Variants in SMURF1 observed in about 807,000 individuals in gnomAD.
SMURF1 encodes E3 ubiquitin-protein ligase SMURF1.
Under a neutral mutation model 98.0 loss-of-function variants are expected in SMURF1, and 44 were observed. That is an observed-to-expected ratio of 0.45 (90% CI 0.35 to 0.58). SMURF1 has a LOEUF of 0.58. SMURF1 is among the 20% of genes least tolerant of loss of function. SMURF1 has a pLI of 0.00. For missense variants in SMURF1, 687 were observed against 938.4 expected, an observed-to-expected ratio of 0.73 and a Z score of 3.50; for synonymous variants, 396 against 374.9, an observed-to-expected ratio of 1.06 and a Z score of -0.65.
At chr7:99,080,359 G>T (rs1796553875) in intron 1 of SMURF1, among the ~76,000 whole-genome samples, 1 of 152,206 alleles carries the variant, frequency 6.6e-6, no homozygotes, top group South Asian at 2.1e-4. Context: ...GAGTGCAGCG[G>T]CGCGATCCCG....
chr7:99,086,749 T>C (rs2150573978), intron 1 of SMURF1, among the ~76,000 whole-genome samples: 1 of 152,330 alleles, frequency 6.6e-6, no homozygotes, highest in Non-Finnish European at 1.5e-5. Context: ...AATGAAGTAT[T>C]AATCCATACT....
chr7:99,047,137 G>A (rs140730457), intron 10 of SMURF1, among the ~76,000 whole-genome samples: 250 of 152,366 alleles, frequency 1.6e-3, no homozygotes, highest in Non-Finnish European at 2.7e-3. Flanking sequence ...AGGAAGCTGT[G>A]TAAGGGACAG....
At chr7:99,135,711 A>G (rs1797976553) in intron 1 of SMURF1, among the ~76,000 whole-genome samples, 1 of 152,248 alleles carries the variant, frequency 6.6e-6, no homozygotes, top group South Asian at 2.1e-4. Context: ...GATTTTACAC[A>G]CCGGACTTTA....
At chr7:99,039,538 G>C (rs187822498) in intron 13 of SMURF1, among the ~76,000 whole-genome samples, 2 of 152,126 alleles carry the variant, frequency 1.3e-5, no homozygotes, top group Non-Finnish European at 2.9e-5. Context: ...TAGTAGGGAC[G>C]GGATTTCACC....
intron 1 of SMURF1, among the ~76,000 whole-genome samples, chr7:99,132,809 G>A (rs1233512838): frequency 6.6e-6 from 1 of 152,022 alleles, no homozygotes; most frequent in Non-Finnish European, 1.5e-5. Context: ...GGCAGAACCT[G>A]GCACAGAGGC....
chr7:99,126,246 T>A (rs1383256946), intron 1 of SMURF1, among the ~76,000 whole-genome samples: 1 of 152,080 alleles, frequency 6.6e-6, no homozygotes. Context: ...TAATATCAAA[T>A]TCTAATGCAA....
chr7:99,140,422 G>A (rs929448504), intron 1 of SMURF1, among the ~76,000 whole-genome samples: 22 of 151,772 alleles, frequency 1.4e-4, no homozygotes, highest in South Asian at 6.3e-4. Flanking sequence ...CAGTAGCTGG[G>A]ACTACAGGCG....
intron 12 of SMURF1, 86 bp downstream of exon 12, chr7:99,042,032 T>G: frequency 3.7e-6 from 4 of 1,093,928 alleles, no homozygotes; most frequent in Non-Finnish European, 4.1e-6. Flanking sequence ...CTACAACAAA[T>G]AGACCAAGGA....
At chr7:99,061,972 T>G in intron 1 of SMURF1, 135 bp from the exon 2 acceptor site, 2 of 572,426 alleles carry the variant, frequency 3.5e-6, no homozygotes, top group Non-Finnish European at 6.0e-6. Flanking sequence ...TCTAGTATCA[T>G]ATGAAACAAA....
chr7:99,037,530 C>T (rs1402351845), intron 14 of SMURF1, among the ~76,000 whole-genome samples: 7 of 152,208 alleles, frequency 4.6e-5, no homozygotes, highest in African/African-American at 1.4e-4. Context: ...TGAGCCACTG[C>T]GCCCGACCTG....
intron 1 of SMURF1, among the ~76,000 whole-genome samples, chr7:99,091,020 T>C (rs542947581): frequency 1.3e-5 from 2 of 152,304 alleles, no homozygotes; most frequent in South Asian, 4.1e-4. Context: ...TCAGTATCCA[T>C]GGCTACAACA....
chr7:99,132,590 G>A (rs1346555712), intron 1 of SMURF1, among the ~76,000 whole-genome samples: 1 of 152,138 alleles, frequency 6.6e-6, no homozygotes, highest in Admixed American at 6.5e-5. Flanking sequence ...GATGGTCAGG[G>A]AGGGTATCCC....
intron 1 of SMURF1, among the ~76,000 whole-genome samples, chr7:99,098,064 G>A (rs1584176258): frequency 6.6e-6 from 1 of 152,048 alleles, no homozygotes; most frequent in African/African-American, 2.4e-5. Context: ...ATCAAGAACT[G>A]CTTTTATTGA....
chr7:99,050,903 GGTC>G (rs1563005739), intron 8 of SMURF1: 4 of 1,265,512 alleles, frequency 3.2e-6, no homozygotes, highest in Non-Finnish European at 4.4e-6. Flanking sequence ...GTGGGGGGGG[GGTC>G]TCTCTAACCT....
chr7:99,050,899 GGGGGGT>G, intron 8 of SMURF1: 1 of 1,360,672 alleles, frequency 7.3e-7, no homozygotes, highest in Non-Finnish European at 1.0e-6. Flanking sequence ...TGGGGTGGGG[GGGGGGT>G]CTCTCTAACC....
At chr7:99,097,880 A>G (rs926446324) in intron 1 of SMURF1, among the ~76,000 whole-genome samples, 1 of 152,266 alleles carries the variant, frequency 6.6e-6, no homozygotes, top group African/African-American at 2.4e-5. Context: ...ACGAGTGACC[A>G]ACTTCTGAAA....
chr7:99,084,635 G>A (rs889303297), intron 1 of SMURF1, among the ~76,000 whole-genome samples: 5 of 152,064 alleles, frequency 3.3e-5, no homozygotes, highest in South Asian at 2.1e-4. Context: ...CACCCACCTC[G>A]GCCTCCCAAA....
At chr7:99,053,134 A>C (rs1235510807) in intron 6 of SMURF1, among the ~76,000 whole-genome samples, 1 of 152,218 alleles carries the variant, frequency 6.6e-6, no homozygotes, top group Non-Finnish European at 1.5e-5. Context: ...TGGTTACATA[A>C]AATGCCAAAA....
chr7:99,057,429 T>C lies in SMURF1; in HGVS notation c.326A>G (p.Lys109Arg). 6.2e-7 allele frequency: 1 copy of C among 1,611,784 alleles called. No homozygotes were observed. The highest frequency in any genetic ancestry group is 8.5e-7 in the Non-Finnish European group (1 of 1,179,530). ...RLLSNAISRL[K>R]DTGYQRLDLC... ...TGTTTGGTTCTTACATCCGGTATCT[T>C]TTAATCTGCTGATGGCATTGGAGAG... Residue 109 changes from lysine (K) to arginine (R), a missense_variant, in exon 4 of 18, where the codon AAA becomes AGA. This residue lies in a region of SMURF1 where 415 missense variants were observed against 508.4 expected (regional missense o/e 0.82). Coordinates refer to ENST00000361368, the MANE Select transcript of SMURF1 (RefSeq NM_181349.3).
Sources: allele counts gnomAD v4.1 joint callset (sites outside exome capture counted in the v4.1 genomes callset), GRCh38; gene constraint gnomAD v4.1.1; regional missense constraint gnomAD v4.1.1; transcripts MANE v1.5; gene names NCBI Gene and HGNC (gene_info 2026-07-23, HGNC 2026-07-21).